USP25: variants seen among roughly 807,000 people sequenced by gnomAD.
USP25 encodes ubiquitin carboxyl-terminal hydrolase 25.
USP25 carries 85 observed loss-of-function variants against 158.5 expected under a neutral mutation model. That is an observed-to-expected ratio of 0.54 (90% CI 0.45 to 0.64). The LOEUF is 0.64. Among genes scored for constraint, USP25 ranks in the 30% least tolerant of loss-of-function variants. The pLI, the probability that USP25 is intolerant of heterozygous loss-of-function variation, is 0.00. For missense variants in USP25, 1,242 were observed against 1,327.3 expected (o/e 0.94, Z 1.00); for synonymous variants, 464 against 460.4 (o/e 1.01, Z -0.10).
At chr21:15,730,713 C>T (rs1347177607) in intron 1 of USP25, among the ~76,000 whole-genome samples, 1 of 152,234 alleles carries the variant, frequency 6.6e-6, no homozygotes, top group Non-Finnish European at 1.5e-5. Flanking sequence ...CCTCACATTC[C>T]TACAGTGCTC....
In USP25 at chr21:15,791,594, A is replaced by G; in HGVS notation, c.485A>G (p.Lys162Arg). 6.2e-7 allele frequency: 1 copy of G among 1,611,914 alleles called. No individual in the cohort carries two copies. Among genetic ancestry groups the G allele is most frequent in the Non-Finnish European group, 8.5e-7 (1 of 1,178,538 alleles). Residue 162 changes from lysine to arginine, a missense_variant, in exon 5 of 26, where the codon AAA becomes AGA. Transcript: ENST00000400183. Reference sequence around the variant, plus strand: ...GATTCTCGAAACCCTTATGATAGAAAAAGACAGGACAAAGCTCCCGTTGGG... The same window carrying G: ...GATTCTCGAAACCCTTATGATAGAAGAAGACAGGACAAAGCTCCCGTTGGG... The part of the protein sequence containing the change: ...WRDSRNPYDR[K>R]RQDKAPVGLK...
rs1436869715 is a variant in USP25, at chr21:15,870,974, C to T, written c.2885+827C>T. Among the ~76,000 whole-genome samples the T allele has an allele frequency of 3.3e-5, 5 of 152,222 alleles. No homozygotes were observed. In the East Asian group the frequency reaches 5.8e-4, roughly 18 times the overall value. ...CTTTTAAAACCAAAGTTCAGTTCAT[C>T]GGTTACACCGGCCACGTTTCAGTAG... On this transcript the variant is annotated intron_variant, in intron 23 of 25. Coordinates refer to ENST00000400183, the MANE Select transcript of USP25 (RefSeq NM_001283041.3).
chr21:15,750,303 T>C (rs1470353960), intron 1 of USP25, among the ~76,000 whole-genome samples: 1 of 149,596 alleles, frequency 6.7e-6, no homozygotes, highest in Non-Finnish European at 1.5e-5. Context: ...ACAATCTTGG[T>C]TCACTGCAAC....
In USP25 at chr21:15,824,223, A is replaced by G. The variant is rs114521446; in HGVS notation, c.1208+57A>G. 1,162 of 1,582,496 alleles carry G rather than the reference A, an allele frequency of 7.3e-4. 10 individuals are homozygous for G. The African/African-American group carries it at 0.013, about 18-fold the overall frequency. ...GAAACAGTTTAGTAAGGGAGAAAAT[A>G]TTGTTTAGAGGAAAATTCTGCATAA... is the stretch of plus-strand genomic sequence containing the variant. On this transcript the variant is annotated intron_variant, in intron 11 of 25. Transcript: ENST00000400183.
chr21:15,864,030 T>TC (rs1227806905), intron 20 of USP25, among the ~76,000 whole-genome samples: 1 of 140,742 alleles, frequency 7.1e-6, no homozygotes, highest in Admixed American at 7.0e-5. Flanking sequence ...GTGGGAGACT[T>TC]CTTTTTTTTT....
intron 7 of USP25, 92 bp downstream of exon 7, chr21:15,805,350 A>G (rs542847321): frequency 3.2e-5 from 39 of 1,236,238 alleles, no homozygotes; most frequent in African/African-American, 2.5e-4. Context: ...ACTATTTGAG[A>G]TGCATGATTC....
intron 10 of USP25, among the ~76,000 whole-genome samples, chr21:15,819,334 G>A (rs1443834390): frequency 6.6e-6 from 1 of 152,144 alleles, no homozygotes; most frequent in Non-Finnish European, 1.5e-5. Context: ...ATAAAATATT[G>A]TTAACTTATA....
At chr21:15,849,657 G>A (rs17275518) in intron 19 of USP25, 120 bp from the exon 20 acceptor site, 24,324 of 709,010 alleles carry the variant, frequency 0.034, 535 homozygotes, top group Non-Finnish European at 0.043. Context: ...GATTAAATTT[G>A]GTATTAAAAG....
chr21:15,864,572 CAA>C, intron 21 of USP25, 126 bp downstream of exon 21: 2 of 903,172 alleles, frequency 2.2e-6, no homozygotes, highest in Non-Finnish European at 3.1e-6. Context: ...AAATACGTAA[CAA>C]AATTTGAACT....
chr21:15,760,734 T>A (rs933441422), intron 1 of USP25, among the ~76,000 whole-genome samples: 1 of 152,214 alleles, frequency 6.6e-6, no homozygotes, highest in East Asian at 1.9e-4. Flanking sequence ...GTTGCAAGAC[T>A]TAGTACACAG....
chr21:15,788,685 G>A (rs1314426342), intron 4 of USP25, among the ~76,000 whole-genome samples: 1 of 151,952 alleles, frequency 6.6e-6, no homozygotes, highest in East Asian at 1.9e-4. Context: ...GGAAATCATG[G>A]CATTCCCCTT....
At chr21:15,873,344 C>T (rs1386754973) in intron 23 of USP25, among the ~76,000 whole-genome samples, 1 of 151,566 alleles carries the variant, frequency 6.6e-6, no homozygotes, top group African/African-American at 2.4e-5. Flanking sequence ...AGGTCTTGAA[C>T]TTCTGGCCTC....
rs2037807375 is a variant in USP25 at position 15,831,614 on chromosome 21, C to T, written c.1978C>T (p.Gln660Ter). 1 of 1,613,220 alleles carries T rather than the reference C, an allele frequency of 6.2e-7. No homozygotes were observed. Among genetic ancestry groups the T allele is most frequent in the Non-Finnish European group, 8.5e-7 (1 of 1,179,414 alleles). Residue 660 changes from glutamine (Q) to a stop codon, truncating the protein, a stop_gained, in exon 16 of 26, where the codon CAG (glutamine) becomes TAG (stop). Transcript: ENST00000400183. LOFTEE classifies it high-confidence loss of function. The part of the protein sequence containing the change: ...YCLMYINDKA[Q>*]FLIQEEFNKE... ...TTTAATGTACATAAATGATAAGGCA[C>T]AGTTCCTAATACAAGGTAAGAATAT... is the stretch of plus-strand genomic sequence containing the variant.
intron 6 of USP25, among the ~76,000 whole-genome samples, chr21:15,800,556 T>C (rs1340701902): frequency 6.6e-6 from 1 of 151,252 alleles, no homozygotes; most frequent in Non-Finnish European, 1.5e-5. Flanking sequence ...AAAAGACTTA[T>C]TTTAAAAAGA....
At chr21:15,796,581 G>A (rs1178683111) in intron 5 of USP25, among the ~76,000 whole-genome samples, 1 of 151,430 alleles carries the variant, frequency 6.6e-6, no homozygotes, top group Non-Finnish European at 1.5e-5. Flanking sequence ...ATTCTAAATG[G>A]TTAGAATGTA....
At chr21:15,740,650 T>G (rs2031959803) in intron 1 of USP25, among the ~76,000 whole-genome samples, 3 of 94,994 alleles carry the variant, frequency 3.2e-5, no homozygotes, top group Non-Finnish European at 5.5e-5. Flanking sequence ...TGTTTTTTTT[T>G]TTTTTTTTTT....
At chr21:15,730,802 T>A (rs1377579100) in intron 1 of USP25, among the ~76,000 whole-genome samples, 2 of 152,100 alleles carry the variant, frequency 1.3e-5, no homozygotes, top group African/African-American at 4.8e-5. Context: ...TCTGAACCGA[T>A]TTTGTCTTTC....
intron 20 of USP25, among the ~76,000 whole-genome samples, chr21:15,859,747 A>G (rs1035303652): frequency 2.0e-5 from 3 of 151,968 alleles, no homozygotes; most frequent in Admixed American, 6.5e-5. Context: ...ACAAAGTTAT[A>G]TGTGTTATTC....
chr21:15,749,924 T>G (rs2032857032), intron 1 of USP25, among the ~76,000 whole-genome samples: 1 of 152,204 alleles, frequency 6.6e-6, no homozygotes, highest in African/African-American at 2.4e-5. Flanking sequence ...CCCTTGTTCC[T>G]GGCATGGAGC....
Sources: allele counts gnomAD v4.1 joint callset (sites outside exome capture counted in the v4.1 genomes callset), GRCh38; gene constraint gnomAD v4.1.1; transcripts MANE v1.5; gene names NCBI Gene and HGNC (gene_info 2026-07-23, HGNC 2026-07-21).